Variants in FCHSD2 observed in about 807,000 individuals in gnomAD.
FCHSD2 encodes F-BAR and double SH3 domains protein 2.
A neutral mutation model predicts 108.1 loss-of-function variants in FCHSD2; 38 were observed. The observed-to-expected ratio is 0.35, with a 90% CI of 0.27 to 0.46. The LOEUF (loss-of-function observed/expected upper bound fraction) is 0.46, where lower values mean the gene tolerates loss of function less well. FCHSD2 is among the 20% of genes least tolerant of loss of function. The pLI is 1.00. For synonymous variants in FCHSD2, 279 were observed against 314.7 expected (o/e 0.89, Z 1.20); for missense variants, 751 against 897.8 (o/e 0.84, Z 2.09).
At chr11:73,061,534 G>C (rs1158534859) in intron 3 of FCHSD2, among the ~76,000 whole-genome samples, 7 of 152,204 alleles carry the variant, frequency 4.6e-5, no homozygotes, top group Admixed American at 4.6e-4. Context: ...CACCCCCACG[G>C]AGCCCAGCAA....
At chr11:73,023,098 T>C (rs1291435949) in intron 3 of FCHSD2, among the ~76,000 whole-genome samples, 1 of 151,988 alleles carries the variant, frequency 6.6e-6, no homozygotes, top group African/African-American at 2.4e-5. Flanking sequence ...CTATGAAACA[T>C]TTAGAAGAAC....
At chr11:72,914,330 T>C (rs1257515451) in intron 9 of FCHSD2, among the ~76,000 whole-genome samples, 3 of 152,180 alleles carry the variant, frequency 2.0e-5, no homozygotes, top group South Asian at 2.1e-4. Flanking sequence ...AAGCAATTTA[T>C]AGATTCAATG....
At chr11:73,071,842 G>C (rs982528694) in intron 3 of FCHSD2, among the ~76,000 whole-genome samples, 5 of 152,090 alleles carry the variant, frequency 3.3e-5, no homozygotes, top group Non-Finnish European at 7.4e-5. Flanking sequence ...AAAGGTTATA[G>C]GGAAAACATA....
chr11:73,005,465 C>A (rs182039275), intron 4 of FCHSD2, among the ~76,000 whole-genome samples: 74 of 152,238 alleles, frequency 4.9e-4, no homozygotes, highest in Non-Finnish European at 9.0e-4. Context: ...GCTTCCAGGA[C>A]ATCACTCTCC....
At chr11:72,951,987 C>T (rs146103224) in intron 8 of FCHSD2, among the ~76,000 whole-genome samples, 1 of 152,258 alleles carries the variant, frequency 6.6e-6, no homozygotes, top group Non-Finnish European at 1.5e-5. Flanking sequence ...ATATTGTTGG[C>T]ATTTTCAACA....
chr11:72,934,110 GAAAAAAAAA>G (rs375464183), intron 8 of FCHSD2, among the ~76,000 whole-genome samples: 9 of 50,882 alleles, frequency 1.8e-4, no homozygotes, highest in African/African-American at 5.1e-4. Context: ...CACTGTCTCA[GAAAAAAAAA>G]AAAAAAAAAA....
intron 8 of FCHSD2, among the ~76,000 whole-genome samples, chr11:72,937,341 T>C (rs1357522232): frequency 6.6e-6 from 1 of 152,246 alleles, no homozygotes; most frequent in East Asian, 1.9e-4. Flanking sequence ...GGCCATGTTA[T>C]TTAAATAGTC....
intron 2 of FCHSD2, among the ~76,000 whole-genome samples, chr11:73,099,668 G>A (rs1037843473): frequency 6.6e-6 from 1 of 152,240 alleles, no homozygotes; most frequent in Non-Finnish European, 1.5e-5. Context: ...GCAGTCAGGC[G>A]TTAGGCTTAG....
chr11:72,944,505 T>C (rs9733925), intron 8 of FCHSD2, among the ~76,000 whole-genome samples: 150,469 of 152,148 alleles, frequency 0.99, 74,424 homozygotes, highest in Middle Eastern at 1. Flanking sequence ...AGGGATGCCC[T>C]CTCTCACCAC....
chr11:72,847,988 G>C (rs575992720), intron 14 of FCHSD2, among the ~76,000 whole-genome samples: 87 of 152,214 alleles, frequency 5.7e-4, no homozygotes, highest in African/African-American at 2.0e-3. Flanking sequence ...CACCATTCCC[G>C]GCCAACTCTA....
At chr11:72,926,270 C>T (rs1177583740) in intron 8 of FCHSD2, among the ~76,000 whole-genome samples, 1 of 152,064 alleles carries the variant, frequency 6.6e-6, no homozygotes, top group Non-Finnish European at 1.5e-5. Context: ...CATGGCTGCC[C>T]ATAGACCAAT....
intron 8 of FCHSD2, among the ~76,000 whole-genome samples, chr11:72,953,448 C>A (rs1440988572): frequency 4.6e-5 from 7 of 152,262 alleles, no homozygotes; most frequent in African/African-American, 1.7e-4. Context: ...ACTAGTACTC[C>A]TTGTAAAACA....
intron 2 of FCHSD2, among the ~76,000 whole-genome samples, chr11:73,102,800 C>T (rs1294657069): frequency 6.6e-6 from 1 of 152,206 alleles, no homozygotes; most frequent in Non-Finnish European, 1.5e-5. Flanking sequence ...GCCTCCAGAA[C>T]TATAAGCCAA....
chr11:72,861,477 A>G (rs1039454944), intron 13 of FCHSD2, among the ~76,000 whole-genome samples: 1 of 152,056 alleles, frequency 6.6e-6, no homozygotes, highest in African/African-American at 2.4e-5. Flanking sequence ...ATTCCATACA[A>G]TTCTACACAA....
intron 8 of FCHSD2, among the ~76,000 whole-genome samples, chr11:72,963,737 G>T (rs762449846): frequency 2.6e-5 from 4 of 152,080 alleles, no homozygotes; most frequent in Non-Finnish European, 5.9e-5. Context: ...TCACAATAGG[G>T]TTCTTACACC....
At chr11:73,096,480 G>C (rs540986237) in intron 2 of FCHSD2, among the ~76,000 whole-genome samples, 1 of 152,010 alleles carries the variant, frequency 6.6e-6, no homozygotes, top group East Asian at 1.9e-4. Context: ...GAACACAGGA[G>C]GCAGAGGTTG....
At chr11:73,057,511 G>A (rs1468452268) in intron 3 of FCHSD2, among the ~76,000 whole-genome samples, 1 of 152,076 alleles carries the variant, frequency 6.6e-6, no homozygotes, top group Non-Finnish European at 1.5e-5. Flanking sequence ...AAAGGATATA[G>A]GTGAATGGAA....
At chr11:72,977,347 G>A (rs1219465678) in intron 8 of FCHSD2, among the ~76,000 whole-genome samples, 3 of 152,128 alleles carry the variant, frequency 2.0e-5, no homozygotes, top group African/African-American at 4.8e-5. Context: ...ATCACATCAA[G>A]TTAAAAAACT....
At chr11:73,099,657 A>G (rs1012098183) in intron 2 of FCHSD2, among the ~76,000 whole-genome samples, 3 of 152,224 alleles carry the variant, frequency 2.0e-5, no homozygotes, top group Non-Finnish European at 2.9e-5. Context: ...GGCACCCCTG[A>G]GCAGTCAGGC....
Sources: gnomAD v4.1 joint callset for allele counts (sites outside exome capture counted in the v4.1 genomes callset) on GRCh38, gnomAD v4.1.1 for gene constraint, MANE v1.5 for transcripts, NCBI Gene and HGNC (gene_info 2026-07-23, HGNC 2026-07-21) for gene names.